The following ULK4 variants were observed in gnomAD, a reference collection of about 807,000 sequenced individuals.
The protein encoded by ULK4 is unc-51 like kinase 4, also known as inactive serine/threonine-protein kinase ULK4.
In ULK4, 133 loss-of-function variants were observed where a neutral mutation model predicts 160.6. The observed-to-expected ratio is 0.83, with a 90% CI of 0.72 to 0.96. The LOEUF (loss-of-function observed/expected upper bound fraction) is 0.96. Ranked by LOEUF, ULK4 falls within the 40% of genes least tolerant of loss-of-function variation. ULK4 has a pLI of 0.00. For synonymous variants in ULK4, 534 were observed against 539.8 expected (o/e 0.99, Z 0.15); for missense variants, 1,580 against 1,499.5 (o/e 1.05, Z -0.89).
intron 32 of ULK4, among the ~76,000 whole-genome samples, chr3:41,464,095 A>G (rs2083764490): frequency 6.6e-6 from 1 of 152,094 alleles, no homozygotes; most frequent in African/African-American, 2.4e-5. Context: ...GATGTGTATT[A>G]AAAGCTATAT....
intron 17 of ULK4, among the ~76,000 whole-genome samples, chr3:41,868,065 T>C (rs1696961422): frequency 6.6e-6 from 1 of 152,240 alleles, no homozygotes; most frequent in Non-Finnish European, 1.5e-5. Context: ...CTATTCAGTA[T>C]GCTTTCAAAA....
chr3:41,379,096 C>G (rs907860577), intron 35 of ULK4, among the ~76,000 whole-genome samples: 34 of 151,796 alleles, frequency 2.2e-4, no homozygotes, highest in African/African-American at 8.2e-4. Flanking sequence ...AGGAGAAACA[C>G]CTAATGTAGA....
intron 34 of ULK4, among the ~76,000 whole-genome samples, chr3:41,409,217 C>T (rs562829564): frequency 2.0e-5 from 3 of 152,214 alleles, no homozygotes; most frequent in East Asian, 3.9e-4. Flanking sequence ...GATCACGCCA[C>T]TGCACTCTAG....
In ULK4 at chr3:41,398,077, A is replaced by C; in HGVS notation, c.3678+2T>G. On this transcript the variant is annotated splice_donor_variant, in intron 35 of 36. Coordinates refer to ENST00000301831, the MANE Select transcript of ULK4 (RefSeq NM_017886.4). LOFTEE classifies it high-confidence loss of function. The stretch of plus-strand genomic sequence containing the variant: ...GTGTCCCCGGTTTCTGTGTGAACTC[A>C]CCATTCTTCTGAGAATCCTTAACAG... The C allele has an allele frequency of 1.2e-6, 2 of 1,611,792 alleles. No homozygotes were observed. The highest frequency in any genetic ancestry group is 1.7e-6 in the Non-Finnish European group (2 of 1,178,898).
intron 18 of ULK4, among the ~76,000 whole-genome samples, chr3:41,823,031 T>C (rs959697946): frequency 6.6e-6 from 1 of 151,888 alleles, no homozygotes; most frequent in Admixed American, 6.6e-5. Context: ...CGAGATTTTT[T>C]TTTTAAAGAA....
At chr3:41,695,532 T>C (rs1331539259) in intron 27 of ULK4, among the ~76,000 whole-genome samples, 1 of 152,106 alleles carries the variant, frequency 6.6e-6, no homozygotes, top group African/African-American at 2.4e-5. Flanking sequence ...ACAAAGACAC[T>C]TGAAAGAAGC....
chr3:41,844,967 CT>C (rs201354327), intron 17 of ULK4, among the ~76,000 whole-genome samples: 617 of 143,508 alleles, frequency 4.3e-3, no homozygotes, highest in African/African-American at 8.4e-3. Flanking sequence ...ACCCAGATAT[CT>C]TTTTTTTTTT....
At chr3:41,485,097 T>A (rs1190215653) in intron 32 of ULK4, among the ~76,000 whole-genome samples, 2 of 152,170 alleles carry the variant, frequency 1.3e-5, no homozygotes, top group Non-Finnish European at 2.9e-5. Context: ...CTAAGGCATA[T>A]CCCTTCAACA....
intron 32 of ULK4, among the ~76,000 whole-genome samples, chr3:41,463,837 C>T (rs2083755998): frequency 6.6e-6 from 1 of 152,068 alleles, no homozygotes; most frequent in African/African-American, 2.4e-5. Flanking sequence ...TACATTTTCA[C>T]ATTTTGGGGG....
At chr3:41,510,684 C>G (rs149635979) in intron 32 of ULK4, among the ~76,000 whole-genome samples, 5 of 152,260 alleles carry the variant, frequency 3.3e-5, no homozygotes, top group African/African-American at 1.2e-4. Flanking sequence ...AAGGAACCCT[C>G]AAAACCATGC....
chr3:41,744,376 C>T (rs983447462), intron 22 of ULK4, among the ~76,000 whole-genome samples: 8 of 151,768 alleles, frequency 5.3e-5, no homozygotes, highest in Non-Finnish European at 1.2e-4. Flanking sequence ...AAAATGCAAA[C>T]ATTAATTTAA....
intron 34 of ULK4, among the ~76,000 whole-genome samples, chr3:41,401,624 TTC>T (rs1375769531): frequency 6.6e-6 from 1 of 152,172 alleles, no homozygotes; most frequent in East Asian, 1.9e-4. Flanking sequence ...TGCTGAATTA[TTC>T]TCTGTTTTAG....
chr3:41,371,678 C>T (rs2081370371), intron 35 of ULK4, among the ~76,000 whole-genome samples: 1 of 152,080 alleles, frequency 6.6e-6, no homozygotes, highest in Admixed American at 6.5e-5. Context: ...AATAAATCCA[C>T]AAAGATGAGG....
intron 34 of ULK4, among the ~76,000 whole-genome samples, chr3:41,430,161 T>A (rs1019226778): frequency 6.6e-6 from 1 of 152,160 alleles, no homozygotes; most frequent in Non-Finnish European, 1.5e-5. Flanking sequence ...CTAATAAAAC[T>A]GCAAGGGTAA....
chr3:41,910,438 A>G (rs925988182), intron 11 of ULK4, among the ~76,000 whole-genome samples: 1 of 152,126 alleles, frequency 6.6e-6, no homozygotes, highest in Admixed American at 6.5e-5. Context: ...TACTAAAAAT[A>G]CAAAAATTAG....
chr3:41,678,924 A>G (rs1327430145), intron 29 of ULK4, among the ~76,000 whole-genome samples: 2 of 152,190 alleles, frequency 1.3e-5, no homozygotes, highest in East Asian at 3.9e-4. Context: ...GAGAGCATGA[A>G]TTTTCCATTA....
chr3:41,464,379 C>G (rs999847266), intron 32 of ULK4, among the ~76,000 whole-genome samples: 1 of 152,172 alleles, frequency 6.6e-6, no homozygotes, highest in Non-Finnish European at 1.5e-5. Flanking sequence ...AAGTCTCACA[C>G]AACTGCTAAG....
chr3:41,776,504 G>T (rs936742463), intron 21 of ULK4, among the ~76,000 whole-genome samples: 1 of 150,608 alleles, frequency 6.6e-6, no homozygotes. Flanking sequence ...ACACTACAAA[G>T]TACTAATTTC....
chr3:41,951,934 C>G (rs933004492), intron 2 of ULK4, among the ~76,000 whole-genome samples: 1 of 152,204 alleles, frequency 6.6e-6, no homozygotes, highest in Non-Finnish European at 1.5e-5. Context: ...TCCTGGACTT[C>G]CCAGCCCCAA....
Sources: gnomAD v4.1 joint callset for allele counts (sites outside exome capture counted in the v4.1 genomes callset) on GRCh38, gnomAD v4.1.1 for gene constraint, MANE v1.5 for transcripts, NCBI Gene and HGNC (gene_info 2026-07-23, HGNC 2026-07-21) for gene names.